Variants in MTMR9 observed in about 807,000 individuals in gnomAD.
MTMR9 encodes the protein myotubularin-related protein 9.
In MTMR9, 39 loss-of-function variants were observed where a neutral mutation model predicts 69.5. That is an observed-to-expected ratio of 0.56 (90% CI 0.43 to 0.73). The LOEUF is 0.73. Ranked by LOEUF, MTMR9 falls within the 30% of genes least tolerant of loss-of-function variation. The pLI is 0.00. For synonymous variants in MTMR9, 354 were observed against 240.8 expected, an observed-to-expected ratio of 1.47 and a Z score of -4.35; for missense variants, 900 against 671.2, an observed-to-expected ratio of 1.34 and a Z score of -3.77.
At chr8:11,336,369 C>G in the MTMR9 span, among the ~76,000 whole-genome samples, 1 of 152,180 alleles carries the variant, frequency 6.6e-6, no homozygotes, top group Non-Finnish European at 1.5e-5. Context: ...GCTCTATGAC[C>G]CATAGGCTGT....
intron 1 of MTMR9, among the ~76,000 whole-genome samples, chr8:11,289,512 A>G (rs945053306): frequency 6.6e-6 from 1 of 151,990 alleles, no homozygotes. Context: ...ACCTCAGAAA[A>G]TTGAGTTACT....
At chr8:11,330,198 TGGG>T (rs1191931123), downstream of MTMR9, among the ~76,000 whole-genome samples, 2 of 143,754 alleles carry the variant, frequency 1.4e-5, no homozygotes, top group African/African-American at 5.3e-5. Context: ...GGGAGGGAGG[TGGG>T]GGGTCAGCCG....
In MTMR9 at chr8:11,323,486, T is replaced by C. The variant is rs1266791805; in HGVS notation, c.*698T>C. 1.3e-5 allele frequency: 2 copies of C among 152,250 alleles called. No individual in the cohort carries two copies. Among genetic ancestry groups the C allele is most frequent in the African/African-American group, 4.8e-5 (2 of 41,466 alleles). The allele number at this position is 152,250 out of a possible 1,614,324, so 9.4% of individuals were successfully genotyped here. ...GTAGACACTAAAAGTATGTGCAATA[T>C]ACAATTAAAGTAGGAATTTGTTACT... On this transcript the variant is annotated 3_prime_UTR_variant, in exon 10 of 10. Transcript: ENST00000221086.
At chr8:11,306,446 G>C (rs374038887) in intron 5 of MTMR9, 39 bp downstream of exon 5, 19 of 1,571,888 alleles carry the variant, frequency 1.2e-5, no homozygotes, top group East Asian at 1.1e-4. Flanking sequence ...CTTATTAGAA[G>C]CTAATTATAG....
In MTMR9 at chr8:11,309,617, G is replaced by T; in HGVS notation, c.900G>T (p.Glu300Asp). ...HNMDRWLSKLEASNWLTHIKE... is the reference protein window; with the variant it reads ...HNMDRWLSKLDASNWLTHIKE... ...TGGACCGATGGCTCAGTAAATTGGAGGCCTCTAACTGGCTGACTCACATCA... is the reference window on the plus strand; with the variant it reads ...TGGACCGATGGCTCAGTAAATTGGATGCCTCTAACTGGCTGACTCACATCA... The change falls in exon 6 of 10, where the codon GAG becomes GAT. Residue 300 changes from glutamate to aspartate, a missense_variant. By Grantham distance (45) the Glu-to-Asp change is conservative (BLOSUM62 2). Transcript: ENST00000221086. 1 of 1,613,940 alleles carries T rather than the reference G, an allele frequency of 6.2e-7. No individual in the cohort carries two copies. The highest frequency in any genetic ancestry group is 1.3e-5 in the African/African-American group (1 of 75,028).
chr8:11,335,602 T>C, the MTMR9 span, among the ~76,000 whole-genome samples: 1 of 152,280 alleles, frequency 6.6e-6, no homozygotes, highest in Non-Finnish European at 1.5e-5. Flanking sequence ...CAACACAATA[T>C]TGAAGGAGAA....
rs748446157 is a variant in MTMR9 at position 11,300,025 on chromosome 8, A to G, written c.294A>G (p.Ala98=). Residue 98 remains alanine (A), a splice_region_variant and synonymous_variant, in exon 3 of 10, where the codon GCA becomes GCG. Transcript: ENST00000221086. ...ECLNIASSIE[A]LSTLDSITLM... is the part of the protein sequence containing the mutation. ...CTTTCTTTTCTTTTTGCCCCCAGGC[A>G]TTGTCTACTCTGGACTCCATCACTC... 2 of 1,609,066 alleles carry G rather than the reference A, an allele frequency of 1.2e-6. No individual in the cohort carries two copies. The highest frequency in any genetic ancestry group is 1.7e-6 in the Non-Finnish European group (2 of 1,178,332).
chr8:11,316,106 A>G (rs867653916), intron 7 of MTMR9: 1 of 152,232 alleles, frequency 6.6e-6, no homozygotes, highest in South Asian at 2.1e-4. Context: ...GAAGAGGGTA[A>G]TTAATGACAG....
chr8:11,291,037 C>A (rs968793002), intron 1 of MTMR9, among the ~76,000 whole-genome samples: 1 of 152,038 alleles, frequency 6.6e-6, no homozygotes, highest in Non-Finnish European at 1.5e-5. Flanking sequence ...CACTCAGCTT[C>A]CCCTAATGTT....
At chr8:11,287,488 T>A (rs1469315251) in intron 1 of MTMR9, among the ~76,000 whole-genome samples, 1 of 151,712 alleles carries the variant, frequency 6.6e-6, no homozygotes, top group Non-Finnish European at 1.5e-5. Flanking sequence ...TGAAAGAGCA[T>A]AGGGGAGGCA....
At chr8:11,285,309 C>A in intron 1 of MTMR9, 1 of 424,536 alleles carries the variant, frequency 2.4e-6, no homozygotes, top group Non-Finnish European at 4.2e-6. Flanking sequence ...TCCTGATGAT[C>A]ATTTCTGGTT....
intron 3 of MTMR9, among the ~76,000 whole-genome samples, chr8:11,301,204 A>G (rs1361285473): frequency 2.0e-5 from 3 of 152,250 alleles, no homozygotes; most frequent in African/African-American, 7.2e-5. Context: ...GCAAATTTAA[A>G]TATATAAGTT....
intron 4 of MTMR9, among the ~76,000 whole-genome samples, chr8:11,305,268 A>G (rs1431173594): frequency 6.6e-6 from 1 of 152,218 alleles, no homozygotes; most frequent in African/African-American, 2.4e-5. Flanking sequence ...AGGACACTAT[A>G]CAAAGGAAAC....
chr8:11,332,144 G>C, downstream of MTMR9: 1 of 1,611,560 alleles, frequency 6.2e-7, no homozygotes. Context: ...GGGAGCCCGG[G>C]GGTTGGGAGG....
chr8:11,314,752 A>T (rs192575439), intron 6 of MTMR9, among the ~76,000 whole-genome samples, 171 bp from the exon 7 acceptor site: 1 of 152,316 alleles, frequency 6.6e-6, no homozygotes, highest in Non-Finnish European at 1.5e-5. Context: ...CCTTAGATTT[A>T]GATTTAGATT....
At chr8:11,292,630 C>G (rs1171759209) in intron 1 of MTMR9, among the ~76,000 whole-genome samples, 1 of 152,096 alleles carries the variant, frequency 6.6e-6, no homozygotes, top group African/African-American at 2.4e-5. Context: ...ATTTGCCATC[C>G]ATATGTCTTT....
intron 8 of MTMR9, chr8:11,319,123 A>T (rs887771101): frequency 6.6e-6 from 1 of 152,032 alleles, no homozygotes; most frequent in African/African-American, 2.4e-5. Flanking sequence ...AAACAATTAG[A>T]AAGTGGTTAT....
chr8:11,287,872 A>T (rs1563262864), intron 1 of MTMR9, among the ~76,000 whole-genome samples: 1 of 123,764 alleles, frequency 8.1e-6, no homozygotes, highest in African/African-American at 3.3e-5. Context: ...ATTATATTAT[A>T]ATATATAACA....
chr8:11,318,595 ACTGT>A (rs1339898997), intron 8 of MTMR9: 2 of 152,230 alleles, frequency 1.3e-5, no homozygotes, highest in African/African-American at 4.8e-5. Flanking sequence ...TTTACCACAG[ACTGT>A]CTTTCAATCT....
Sources: allele counts gnomAD v4.1 joint callset (sites outside exome capture counted in the v4.1 genomes callset), GRCh38; gene constraint gnomAD v4.1.1; transcripts MANE v1.5; gene names NCBI Gene and HGNC (gene_info 2026-07-23, HGNC 2026-07-21).